The following SPAG16 variants were observed in gnomAD, a reference collection of about 807,000 sequenced individuals.
SPAG16 encodes sperm associated antigen 16.
SPAG16 carries 86 observed loss-of-function variants against 80.4 expected under a neutral mutation model. The observed-to-expected ratio is 1.07, with a 90% CI of 0.90 to 1.28. SPAG16 has a LOEUF of 1.28. SPAG16 is among the 50% of genes most tolerant of loss of function. The pLI, the probability that SPAG16 is intolerant of heterozygous loss-of-function variation, is 0.00. For missense variants in SPAG16, 870 were observed against 765.3 expected, an observed-to-expected ratio of 1.14 and a Z score of -1.61; for synonymous variants, 294 against 265.9, an observed-to-expected ratio of 1.11 and a Z score of -1.03.
chr2:213,627,677 G>A (rs2062007666), intron 10 of SPAG16, among the ~76,000 whole-genome samples: 1 of 152,186 alleles, frequency 6.6e-6, no homozygotes, highest in Admixed American at 6.5e-5. Flanking sequence ...ACAATTGACT[G>A]TTGAAAGAAT....
chr2:214,366,341 G>A (rs757737121), intron 15 of SPAG16, among the ~76,000 whole-genome samples: 1 of 152,112 alleles, frequency 6.6e-6, no homozygotes, highest in Admixed American at 6.6e-5. Context: ...TGTGACTATG[G>A]TCGTAGCAGG....
At chr2:214,087,974 AG>A (rs2051894505) in intron 13 of SPAG16, among the ~76,000 whole-genome samples, 1 of 152,168 alleles carries the variant, frequency 6.6e-6, no homozygotes, top group African/African-American at 2.4e-5. Context: ...GAATATCCAA[AG>A]GACATTTACT....
chr2:213,817,972 A>G, intron 10 of SPAG16, among the ~76,000 whole-genome samples: 1 of 152,278 alleles, frequency 6.6e-6, no homozygotes, highest in Non-Finnish European at 1.5e-5. Context: ...CCCTAAAATA[A>G]AAGTTGAAAT....
At chr2:214,220,226 TGGTC>T in intron 15 of SPAG16, among the ~76,000 whole-genome samples, 1 of 152,154 alleles carries the variant, frequency 6.6e-6, no homozygotes, top group Non-Finnish European at 1.5e-5. Flanking sequence ...CTTGAATCCT[TGGTC>T]CAGATCTTCT....
chr2:213,422,215 C>T (rs1374786431), intron 9 of SPAG16: 4 of 701,434 alleles, frequency 5.7e-6, no homozygotes, highest in Non-Finnish European at 1.0e-5. Flanking sequence ...GCTGTGACAC[C>T]CTCTTTGGGG....
intron 15 of SPAG16, among the ~76,000 whole-genome samples, chr2:214,360,215 G>A (rs1699095835): frequency 6.6e-6 from 1 of 151,778 alleles, no homozygotes. Flanking sequence ...ATAACTGATG[G>A]ATTATGAATT....
At chr2:214,266,714 T>G (rs1691601486) in intron 15 of SPAG16, among the ~76,000 whole-genome samples, 1 of 151,580 alleles carries the variant, frequency 6.6e-6, no homozygotes, top group Non-Finnish European at 1.5e-5. Context: ...CAAAAAATGT[T>G]AGAACTAATA....
intron 15 of SPAG16, among the ~76,000 whole-genome samples, chr2:214,154,798 T>C (rs531701383): frequency 2.0e-4 from 30 of 152,232 alleles, no homozygotes; most frequent in African/African-American, 7.0e-4. Context: ...TAAAAATCTG[T>C]AGGGACTTCT....
At chr2:213,540,059 G>T (rs2076385786) in intron 10 of SPAG16, among the ~76,000 whole-genome samples, 1 of 136,594 alleles carries the variant, frequency 7.3e-6, no homozygotes, top group Non-Finnish European at 1.6e-5. Context: ...TTTTGAGACG[G>T]AGTCTCGCTC....
intron 12 of SPAG16, among the ~76,000 whole-genome samples, chr2:213,944,566 T>C (rs927587632): frequency 2.0e-5 from 3 of 152,166 alleles, no homozygotes; most frequent in Non-Finnish European, 4.4e-5. Flanking sequence ...ATAATTTAGA[T>C]AATATTTAGA....
chr2:214,110,158 A>G (rs936781071), intron 14 of SPAG16, among the ~76,000 whole-genome samples: 3 of 152,102 alleles, frequency 2.0e-5, no homozygotes, highest in African/African-American at 4.8e-5. Context: ...TTATTATTAT[A>G]CTTTAAGGTC....
At chr2:214,373,673 G>T (rs1454344981) in intron 15 of SPAG16, among the ~76,000 whole-genome samples, 2 of 152,124 alleles carry the variant, frequency 1.3e-5, no homozygotes, top group Non-Finnish European at 2.9e-5. Context: ...TTTTGCTGAT[G>T]GGAGTGCAAA....
chr2:214,333,013 A>G (rs1697031683), intron 15 of SPAG16, among the ~76,000 whole-genome samples: 1 of 152,204 alleles, frequency 6.6e-6, no homozygotes, highest in Admixed American at 6.5e-5. Flanking sequence ...GCAATTCTCA[A>G]ATGGTTTAAA....
chr2:213,474,620 A>G (rs905513626), intron 9 of SPAG16, among the ~76,000 whole-genome samples: 5 of 152,148 alleles, frequency 3.3e-5, no homozygotes, highest in African/African-American at 1.2e-4. Context: ...TCTCCATACT[A>G]TTAGAAGTAG....
intron 10 of SPAG16, among the ~76,000 whole-genome samples, chr2:213,739,205 C>T (rs2067428961): frequency 1.3e-5 from 2 of 152,122 alleles, no homozygotes; most frequent in Admixed American, 1.3e-4. Context: ...TCCCACGTAG[C>T]CTCAGTAGGA....
At chr2:213,838,246 A>G (rs2074197415) in intron 10 of SPAG16, among the ~76,000 whole-genome samples, 1 of 152,098 alleles carries the variant, frequency 6.6e-6, no homozygotes, top group South Asian at 2.1e-4. Flanking sequence ...ATCTTGACTC[A>G]CCGCAACCTC....
At chr2:213,988,034 A>G (rs2046103945) in intron 12 of SPAG16, among the ~76,000 whole-genome samples, 1 of 151,848 alleles carries the variant, frequency 6.6e-6, no homozygotes, top group East Asian at 1.9e-4. Context: ...AGTGGGAGAA[A>G]AAAGGGATTG....
chr2:214,059,216 GTA>G (rs1423216101), intron 13 of SPAG16, among the ~76,000 whole-genome samples: 6 of 67,002 alleles, frequency 9.0e-5, no homozygotes, highest in South Asian at 1.4e-3. Flanking sequence ...ATATATATAT[GTA>G]TGTGTATATA....
chr2:213,681,732 A>G (rs1409793298), intron 10 of SPAG16, among the ~76,000 whole-genome samples: 2 of 152,202 alleles, frequency 1.3e-5, no homozygotes, highest in Non-Finnish European at 2.9e-5. Flanking sequence ...TATGCATAGC[A>G]AAATACCCCA....
Sources: allele counts gnomAD v4.1 joint callset (sites outside exome capture counted in the v4.1 genomes callset), GRCh38; gene constraint gnomAD v4.1.1; transcripts MANE v1.5; gene names NCBI Gene and HGNC (gene_info 2026-07-23, HGNC 2026-07-21).